Variants in ANO10 observed in about 807,000 individuals in gnomAD.
ANO10 encodes the protein anoctamin 10, also known as anoctamin-10.
ANO10 carries 77 observed loss-of-function variants against 74.7 expected under a neutral mutation model. That is an observed-to-expected ratio of 1.03 (90% CI 0.86 to 1.25). The LOEUF (loss-of-function observed/expected upper bound fraction) is 1.25. Ranked by LOEUF, ANO10 falls within the 50% of genes most tolerant of loss-of-function variation. The probability of loss-of-function intolerance (pLI) is 0.00; values close to 1 mark genes in which losing one functional copy is unlikely to be tolerated. For missense variants in ANO10, 721 were observed against 778.1 expected (o/e 0.93, Z 0.87); for synonymous variants, 279 against 284.9 (o/e 0.98, Z 0.21).
intron 1 of ANO10, among the ~76,000 whole-genome samples, chr3:43,681,026 A>G (rs1343461276): frequency 1.3e-5 from 2 of 152,210 alleles, no homozygotes; most frequent in African/African-American, 2.4e-5. Flanking sequence ...TCAACTAACG[A>G]GCAAAATAAC....
At chr3:43,448,696 T>A (rs1214457807) in intron 11 of ANO10, among the ~76,000 whole-genome samples, 1 of 152,214 alleles carries the variant, frequency 6.6e-6, no homozygotes, top group Non-Finnish European at 1.5e-5. Context: ...TTTCAACCCA[T>A]TTGGGTAAAT....
chr3:43,405,043 C>T (rs953901144), intron 12 of ANO10, among the ~76,000 whole-genome samples: 3 of 152,152 alleles, frequency 2.0e-5, no homozygotes, highest in East Asian at 3.8e-4. Context: ...AAACTTTTTA[C>T]AGTTTGAAGT....
At chr3:43,491,949 C>T (rs888860605) in intron 11 of ANO10, among the ~76,000 whole-genome samples, 13 of 152,044 alleles carry the variant, frequency 8.6e-5, no homozygotes, top group African/African-American at 3.1e-4. Context: ...GGAACAGCTC[C>T]GGTCTACAGC....
intron 8 of ANO10, among the ~76,000 whole-genome samples, chr3:43,562,448 T>A (rs1575430747): frequency 7.6e-5 from 1 of 13,102 alleles, no homozygotes; most frequent in African/African-American, 4.5e-4. Context: ...CGAGGCTCTG[T>A]CTCAAACAAA....
chr3:43,555,571 T>C (rs752731829), intron 9 of ANO10, 102 bp from the exon 10 acceptor site: 6 of 1,187,954 alleles, frequency 5.1e-6, no homozygotes, highest in African/African-American at 1.5e-5. Context: ...CAAAAAAACC[T>C]CAAAGAGTTT....
intron 1 of ANO10, among the ~76,000 whole-genome samples, chr3:43,631,448 G>T (rs957020338): frequency 6.6e-6 from 1 of 152,168 alleles, no homozygotes; most frequent in Non-Finnish European, 1.5e-5. Context: ...AAGGAGGAAT[G>T]CTTATAGTAT....
At chr3:43,403,724 G>T (rs1296246058) in intron 12 of ANO10, among the ~76,000 whole-genome samples, 1 of 152,208 alleles carries the variant, frequency 6.6e-6, no homozygotes, top group African/African-American at 2.4e-5. Context: ...AAATAGGCTT[G>T]GTCAGCTTAC....
intron 11 of ANO10, among the ~76,000 whole-genome samples, chr3:43,542,911 T>C (rs1254800664): frequency 6.6e-6 from 1 of 152,174 alleles, no homozygotes; most frequent in African/African-American, 2.4e-5. Context: ...TAACAAGACC[T>C]GCAAATTAGT....
intron 12 of ANO10, among the ~76,000 whole-genome samples, chr3:43,415,872 T>C (rs990220654): frequency 3.9e-5 from 6 of 152,200 alleles, no homozygotes; most frequent in African/African-American, 1.4e-4. Context: ...CGAGTTTCCC[T>C]GATTATAATT....
chr3:43,453,942 A>T (rs2149003883), intron 11 of ANO10, among the ~76,000 whole-genome samples: 1 of 152,372 alleles, frequency 6.6e-6, no homozygotes, highest in African/African-American at 2.4e-5. Context: ...TTGGAACTAA[A>T]GCACAGCTGG....
intron 4 of ANO10, among the ~76,000 whole-genome samples, chr3:43,590,042 T>G (rs1298905683): frequency 6.6e-6 from 1 of 152,194 alleles, no homozygotes; most frequent in East Asian, 1.9e-4. Context: ...TTGTCTAAAT[T>G]TTTGTACTAT....
At chr3:43,470,669 C>A (rs2075822377) in intron 11 of ANO10, among the ~76,000 whole-genome samples, 1 of 151,078 alleles carries the variant, frequency 6.6e-6, no homozygotes, top group African/African-American at 2.4e-5. Context: ...CTTTGTCATC[C>A]AGGCTGGAGT....
intron 1 of ANO10, among the ~76,000 whole-genome samples, chr3:43,631,416 CT>C (rs2083546123): frequency 6.6e-6 from 1 of 152,186 alleles, no homozygotes; most frequent in Non-Finnish European, 1.5e-5. Context: ...GGCCTTATTA[CT>C]GCTGAGTGGT....
chr3:43,553,537 C>CT (rs1259828062), intron 10 of ANO10, among the ~76,000 whole-genome samples: 8 of 102,590 alleles, frequency 7.8e-5, no homozygotes, highest in African/African-American at 3.3e-4. Context: ...GATAATTTCT[C>CT]TCTTTTTTTT....
chr3:43,418,355 T>G (rs2148907989), intron 12 of ANO10, among the ~76,000 whole-genome samples: 1 of 152,322 alleles, frequency 6.6e-6, no homozygotes, highest in African/African-American at 2.4e-5. Context: ...TATTGGTTGT[T>G]ACTTATGCAG....
chr3:43,595,031 T>G (rs1261550406), intron 4 of ANO10, among the ~76,000 whole-genome samples: 1 of 152,052 alleles, frequency 6.6e-6, no homozygotes, highest in Non-Finnish European at 1.5e-5. Flanking sequence ...GATAAATTCC[T>G]GGACACATAC....
At chr3:43,538,095 G>A (rs915634430) in intron 11 of ANO10, among the ~76,000 whole-genome samples, 1 of 152,060 alleles carries the variant, frequency 6.6e-6, no homozygotes, top group African/African-American at 2.4e-5. Context: ...AAATGTCTAT[G>A]ATACTAAAAA....
At chr3:43,654,514 C>A (rs1402302845) in intron 1 of ANO10, among the ~76,000 whole-genome samples, 1 of 152,196 alleles carries the variant, frequency 6.6e-6, no homozygotes, top group Non-Finnish European at 1.5e-5. Flanking sequence ...AGGTCTCCAA[C>A]AAACTACAAA....
intron 9 of ANO10, 114 bp downstream of exon 9, chr3:43,561,106 A>T (rs1170185856): frequency 8.1e-7 from 1 of 1,238,620 alleles, no homozygotes; most frequent in Non-Finnish European, 1.2e-6. Context: ...CTGACTGGAA[A>T]GCACTTCTAG....
Sources: allele counts gnomAD v4.1 joint callset (sites outside exome capture counted in the v4.1 genomes callset), GRCh38; gene constraint gnomAD v4.1.1; transcripts MANE v1.5; gene names NCBI Gene and HGNC (gene_info 2026-07-23, HGNC 2026-07-21).